Variants in GRID1 observed in about 807,000 individuals in gnomAD.
GRID1 encodes the protein glutamate ionotropic receptor delta type subunit 1.
Under a neutral mutation model 98.0 loss-of-function variants are expected in GRID1, and 28 were observed. The observed-to-expected ratio is 0.29, with a 90% CI of 0.21 to 0.39. GRID1 has a LOEUF of 0.39. Among genes scored for constraint, GRID1 ranks in the 10% least tolerant of loss-of-function variants. GRID1 has a pLI of 1.00. For missense variants in GRID1, 1,111 were observed against 1,340.5 expected, an observed-to-expected ratio of 0.83 and a Z score of 2.67; for synonymous variants, 553 against 538.5, an observed-to-expected ratio of 1.03 and a Z score of -0.37.
At chr10:85,901,862 G>C (rs1325159331) in intron 5 of GRID1, among the ~76,000 whole-genome samples, 1 of 152,154 alleles carries the variant, frequency 6.6e-6, no homozygotes, top group Non-Finnish European at 1.5e-5. Flanking sequence ...GCAGAACAAC[G>C]ATGACCTCAT....
At chr10:86,180,347 G>A (rs1845637530) in intron 3 of GRID1, among the ~76,000 whole-genome samples, 1 of 152,090 alleles carries the variant, frequency 6.6e-6, no homozygotes, top group Non-Finnish European at 1.5e-5. Context: ...AGCTGCCCAG[G>A]GCCATGCTTG....
chr10:86,229,874 T>C (rs1311400442), intron 2 of GRID1, among the ~76,000 whole-genome samples: 1 of 152,190 alleles, frequency 6.6e-6, no homozygotes, highest in African/African-American at 2.4e-5. Flanking sequence ...CTATGTCCTC[T>C]GTAAGACACC....
intron 4 of GRID1, among the ~76,000 whole-genome samples, chr10:86,076,911 CCTT>C (rs1843890338): frequency 7.2e-6 from 1 of 139,852 alleles, no homozygotes; most frequent in Non-Finnish European, 1.6e-5. Flanking sequence ...CGCAATTTCT[CCTT>C]CTTATGAGGA....
intron 2 of GRID1, among the ~76,000 whole-genome samples, chr10:86,280,992 C>T (rs1314305697): frequency 6.6e-6 from 1 of 152,196 alleles, no homozygotes; most frequent in Non-Finnish European, 1.5e-5. Context: ...TGGGGATCAC[C>T]CTTCCTCTGA....
intron 5 of GRID1, among the ~76,000 whole-genome samples, chr10:85,874,038 C>T (rs186769167): frequency 6.6e-6 from 1 of 152,092 alleles, no homozygotes; most frequent in Non-Finnish European, 1.5e-5. Flanking sequence ...TTGTTGATTA[C>T]CATTTGACTG....
In GRID1 at chr10:85,647,234, A is replaced by C; in HGVS notation, c.2161T>G (p.Cys721Gly). The stretch of plus-strand genomic sequence containing the variant: ...ATGCCTTCTGAAGGACTGGACACGC[A>C]GTTGTCAGCCCCTCCGTTCTTGCTG... ...TISKNGGADN[C>G]VSSPSEGIRK... Residue 721 changes from cysteine (C) to glycine (G), a missense_variant, in exon 13 of 16, where the codon TGC becomes GGC. By Grantham distance (159) the Cys-to-Gly change is radical. Around this residue, in one of 3 missense-constraint regions of GRID1, gnomAD observed 762 missense variants for 869.1 expected, o/e 0.88. Transcript: ENST00000327946. The C allele has an allele frequency of 6.2e-7, 1 of 1,614,214 alleles. No individual in the cohort carries two copies. Among genetic ancestry groups the C allele is most frequent in the Non-Finnish European group, 8.5e-7 (1 of 1,180,020 alleles).
intron 4 of GRID1, among the ~76,000 whole-genome samples, chr10:86,068,115 T>C (rs1203815375): frequency 2.0e-5 from 3 of 152,060 alleles, no homozygotes; most frequent in Non-Finnish European, 4.4e-5. Flanking sequence ...ACTTGTGGAG[T>C]ATGGGAAAAC....
intron 8 of GRID1, among the ~76,000 whole-genome samples, chr10:85,752,075 A>C (rs1842051380): frequency 1.3e-5 from 2 of 152,178 alleles, no homozygotes; most frequent in Admixed American, 1.3e-4. Flanking sequence ...TGGAATAGAC[A>C]AACTGTAGAA....
At chr10:85,766,730 T>TTGCG (rs1554829929) in intron 8 of GRID1, among the ~76,000 whole-genome samples, 7 of 138,352 alleles carry the variant, frequency 5.1e-5, no homozygotes, top group African/African-American at 1.9e-4. Context: ...AGGCAGATGA[T>TTGCG]TGTGTGTGTG....
Position 85,983,914 on chromosome 10 carries a change from C to G in GRID1, c.727-67675G>C, listed in dbSNP as rs114899007. 6.2e-3 allele frequency among the ~76,000 whole-genome samples: 950 copies of G among 152,264 alleles called. 13 individuals carry two copies. Among genetic ancestry groups the G allele is most frequent in the African/African-American group, 0.021 (891 of 41,548 alleles). ...AGGCTTCACCTCACAATATCATTCT[C>G]TCCCATGCCCACAGGACGCTCACCC... On this transcript the variant is annotated intron_variant, in intron 4 of 15. Coordinates refer to ENST00000327946, the MANE Select transcript of GRID1 (RefSeq NM_017551.3).
chr10:85,614,232 G>C (rs188785590), intron 14 of GRID1, among the ~76,000 whole-genome samples: 1 of 152,306 alleles, frequency 6.6e-6, no homozygotes, highest in Admixed American at 6.5e-5. Context: ...TGCAGGCAGA[G>C]CTGTGATTTA....
At chr10:85,708,113 TAAA>T (rs768805148) in intron 12 of GRID1, among the ~76,000 whole-genome samples, 5,040 of 120,906 alleles carry the variant, frequency 0.042, 123 homozygotes, top group East Asian at 0.08. Flanking sequence ...TAAAGTATAA[TAAA>T]AAAAAAAAAA....
chr10:85,985,700 G>T (rs971821254), intron 4 of GRID1, among the ~76,000 whole-genome samples: 1 of 152,220 alleles, frequency 6.6e-6, no homozygotes, highest in African/African-American at 2.4e-5. Context: ...TCCCCACTGA[G>T]ATCCCCTCTG....
rs565311646 is a variant in GRID1, at chr10:85,626,330, G to T, written c.2194-6297C>A. ...TACATCTGGCTCCAAAGAAGTCTGT[G>T]CTGTCTCCTCTGCCCTGGTTAGACT... is the stretch of plus-strand genomic sequence containing the variant. On this transcript the variant is annotated intron_variant, in intron 13 of 15. Transcript: ENST00000327946. 9.8e-5 allele frequency among the ~76,000 whole-genome samples: 15 copies of T among 152,330 alleles called. No homozygotes were observed. The South Asian group carries it at 3.1e-3, about 32-fold the overall frequency.
At chr10:85,780,929 A>T (rs993269738) in intron 8 of GRID1, among the ~76,000 whole-genome samples, 14 of 152,222 alleles carry the variant, frequency 9.2e-5, no homozygotes, top group Non-Finnish European at 2.1e-4. Flanking sequence ...GTAAAGAGAG[A>T]CCAGAAAATG....
rs749215316 is a variant in GRID1 at position 85,724,605 on chromosome 10, C to T, written c.1605G>A (p.Arg535=). 5 of 1,613,342 alleles carry T rather than the reference C, an allele frequency of 3.1e-6. No individual in the cohort carries two copies. Among genetic ancestry groups the T allele is most frequent in the African/African-American group, 1.3e-5 (1 of 74,922 alleles). ...ERESVVDFSK[R]YMDYSVGILI... ...GAATCCCCACTGAATAGTCCATGTA[C>T]CGCTTGCTGAAGTCCACAACGCTCT... The change falls in exon 11 of 16, where the codon CGG becomes CGA. Residue 535 remains arginine (R), a synonymous_variant. Coordinates refer to ENST00000327946, the MANE Select transcript of GRID1 (RefSeq NM_017551.3).
intron 8 of GRID1, among the ~76,000 whole-genome samples, chr10:85,781,963 A>G (rs1216336407): frequency 2.6e-5 from 4 of 152,212 alleles, no homozygotes; most frequent in Non-Finnish European, 5.9e-5. Context: ...GGAGGCCAGG[A>G]ATTCTCAACA....
intron 5 of GRID1, among the ~76,000 whole-genome samples, chr10:85,874,249 CATA>C (rs1383421334): frequency 1.3e-5 from 2 of 151,988 alleles, no homozygotes; most frequent in African/African-American, 4.8e-5. Flanking sequence ...TGATTTCTGT[CATA>C]TTATTTATAT....
chr10:86,176,212 G>A (rs1285047014), intron 3 of GRID1, among the ~76,000 whole-genome samples: 1 of 152,202 alleles, frequency 6.6e-6, no homozygotes, highest in Non-Finnish European at 1.5e-5. Context: ...CGTATTTCCT[G>A]TCTTTGAACA....
Sources: gnomAD v4.1 joint callset for allele counts (sites outside exome capture counted in the v4.1 genomes callset) on GRCh38, gnomAD v4.1.1 for gene constraint, gnomAD v4.1.1 regional missense constraint, MANE v1.5 for transcripts, NCBI Gene and HGNC (gene_info 2026-07-23, HGNC 2026-07-21) for gene names.